Variants in DLG2 observed in about 807,000 individuals in gnomAD.
DLG2 encodes the protein disks large homolog 2.
A neutral mutation model predicts 132.5 loss-of-function variants in DLG2; 45 were observed. The ratio of observed to expected loss-of-function variants is 0.34; its 90% confidence interval spans 0.27 to 0.44. The LOEUF is 0.44. Ranked by LOEUF, DLG2 falls within the 20% of genes least tolerant of loss-of-function variation. DLG2 has a pLI of 1.00. For synonymous variants in DLG2, 424 were observed against 419.6 expected (o/e 1.01, Z -0.13); for missense variants, 1,045 against 1,196.9 (o/e 0.87, Z 1.87).
At chr11:84,584,752 G>A (rs1263128272) in intron 6 of DLG2, among the ~76,000 whole-genome samples, 1 of 133,304 alleles carries the variant, frequency 7.5e-6, no homozygotes, top group African/African-American at 2.9e-5. Flanking sequence ...GCAGTGGCGG[G>A]ATCTGGGCTC....
At chr11:84,859,254 CAT>C (rs1261394596) in intron 6 of DLG2, among the ~76,000 whole-genome samples, 3 of 148,924 alleles carry the variant, frequency 2.0e-5, no homozygotes, top group Non-Finnish European at 3.0e-5. Context: ...TGTATATATA[CAT>C]ATATATACAT....
chr11:83,574,610 T>C (rs918022655), intron 19 of DLG2, among the ~76,000 whole-genome samples: 1 of 152,226 alleles, frequency 6.6e-6, no homozygotes, highest in African/African-American at 2.4e-5. Context: ...TAAAGTATTA[T>C]AGGTTCACTG....
intron 6 of DLG2, among the ~76,000 whole-genome samples, chr11:84,865,591 A>G (rs1459697038): frequency 6.6e-6 from 1 of 152,280 alleles, no homozygotes; most frequent in East Asian, 1.9e-4. Context: ...CACATAATTA[A>G]CTGCAGATTT....
intron 6 of DLG2, among the ~76,000 whole-genome samples, chr11:85,086,662 A>T (rs183831945): frequency 4.6e-5 from 7 of 152,288 alleles, no homozygotes; most frequent in Admixed American, 3.9e-4. Flanking sequence ...CAAATCACAC[A>T]TATCTATAAG....
At chr11:85,603,789 C>T (rs557925725) in intron 2 of DLG2, among the ~76,000 whole-genome samples, 17 of 151,926 alleles carry the variant, frequency 1.1e-4, no homozygotes, top group East Asian at 1.9e-4. Context: ...TGGTGGTGCA[C>T]GTCTGCACTC....
chr11:85,405,287 A>T (rs1231766394), intron 3 of DLG2, among the ~76,000 whole-genome samples: 2 of 152,046 alleles, frequency 1.3e-5, no homozygotes, highest in Non-Finnish European at 2.9e-5. Flanking sequence ...GAAAAGATAT[A>T]GTCTCTAAGG....
chr11:84,408,012 A>C lies in DLG2; in HGVS notation c.519+126558T>G, dbSNP rs575448843. ...AGATCCTACTAGATTATCCTTTTTCAAGGACCTAGATGTATGTGAAGAACT... is the reference window on the plus strand; with the variant it reads ...AGATCCTACTAGATTATCCTTTTTCCAGGACCTAGATGTATGTGAAGAACT... On this transcript the variant is annotated intron_variant, in intron 7 of 27. Transcript: ENST00000376104. Among the ~76,000 whole-genome samples, 6 of 152,316 alleles carry C rather than the reference A, an allele frequency of 3.9e-5. No homozygotes were observed. In the South Asian group the frequency reaches 1.2e-3, roughly 32 times the overall value.
chr11:84,167,057 C>A, intron 8 of DLG2: 2 of 524,944 alleles, frequency 3.8e-6, no homozygotes, highest in Non-Finnish European at 7.8e-6. Context: ...AGCCTCCTCT[C>A]TACTTTGAGA....
intron 6 of DLG2, among the ~76,000 whole-genome samples, chr11:85,026,157 C>T (rs562752014): frequency 6.6e-6 from 1 of 151,892 alleles, no homozygotes; most frequent in Admixed American, 6.5e-5. Flanking sequence ...AAACAAAAGG[C>T]AGCAAAAAAC....
At chr11:83,484,478 A>G (rs1265108187) in intron 21 of DLG2, among the ~76,000 whole-genome samples, 2 of 148,550 alleles carry the variant, frequency 1.3e-5, no homozygotes, top group African/African-American at 5.0e-5. Context: ...ATGGAGGGAA[A>G]GAGTCTTAAA....
At chr11:84,551,537 T>G (rs2099401862) in intron 6 of DLG2, among the ~76,000 whole-genome samples, 1 of 152,246 alleles carries the variant, frequency 6.6e-6, no homozygotes, top group African/African-American at 2.4e-5. Context: ...TATTTAATCC[T>G]TAAACAAACT....
chr11:84,383,333 A>G (rs2098755626), intron 7 of DLG2, among the ~76,000 whole-genome samples: 1 of 151,590 alleles, frequency 6.6e-6, no homozygotes, highest in East Asian at 2.0e-4. Context: ...GACGCCTAAT[A>G]TTTATTTCTC....
chr11:84,293,027 A>C (rs2098028277), intron 7 of DLG2, among the ~76,000 whole-genome samples: 1 of 152,166 alleles, frequency 6.6e-6, no homozygotes, highest in Non-Finnish European at 1.5e-5. Context: ...AAAGTTGGTC[A>C]GTGAGTAAGT....
chr11:85,230,341 T>C (rs2075229785), intron 4 of DLG2, among the ~76,000 whole-genome samples: 3 of 138,314 alleles, frequency 2.2e-5, no homozygotes, highest in African/African-American at 8.1e-5. Flanking sequence ...AGTTTATATT[T>C]TGTATTATTT....
intron 6 of DLG2, among the ~76,000 whole-genome samples, chr11:84,873,811 A>C (rs982042904): frequency 6.6e-6 from 1 of 152,224 alleles, no homozygotes; most frequent in South Asian, 2.1e-4. Context: ...GAATCTTAAC[A>C]ATCTATTGAT....
chr11:83,913,931 A>G (rs879673679), intron 15 of DLG2, among the ~76,000 whole-genome samples: 5 of 152,180 alleles, frequency 3.3e-5, no homozygotes, highest in Non-Finnish European at 5.9e-5. Flanking sequence ...GTGCATATAG[A>G]CAGACTGTGG....
chr11:85,298,774 ATGGTAATATTGCAGTTATATAACAGAT>A lies in DLG2; in HGVS notation c.41-13436_41-13410del, dbSNP rs568370147. 7.2e-4 allele frequency among the ~76,000 whole-genome samples: 110 copies of A among 152,154 alleles called. 1 individual carries two copies. The highest frequency in any genetic ancestry group is 2.5e-3 in the African/African-American group (105 of 41,542). ...TTCCCAATATTACCATCTGATTTTG[ATGGTAATATTGCAGTTATATAACAGAT>A]TGCTCTTGTTCCCAGGAGATACACT... On this transcript the variant is annotated intron_variant, in intron 3 of 27. Coordinates refer to ENST00000376104, the MANE Select transcript of DLG2 (RefSeq NM_001142699.3).
At chr11:85,193,425 A>G (rs1365124475) in intron 4 of DLG2, among the ~76,000 whole-genome samples, 1 of 152,250 alleles carries the variant, frequency 6.6e-6, no homozygotes, top group African/African-American at 2.4e-5. Context: ...TCTTGAATAT[A>G]TACCTAGAAG....
chr11:83,465,324 G>A (rs1162214907), intron 26 of DLG2, among the ~76,000 whole-genome samples: 1 of 152,152 alleles, frequency 6.6e-6, no homozygotes, highest in East Asian at 1.9e-4. Context: ...TCCAGCTGCT[G>A]CAGTTTGCTT....
Sources: gnomAD v4.1 joint callset for allele counts (sites outside exome capture counted in the v4.1 genomes callset) on GRCh38, gnomAD v4.1.1 for gene constraint, MANE v1.5 for transcripts, NCBI Gene and HGNC (gene_info 2026-07-23, HGNC 2026-07-21) for gene names.